The following DLG2 variants were observed in gnomAD, a reference collection of about 807,000 sequenced individuals.
The protein encoded by DLG2 is disks large homolog 2.
A neutral mutation model predicts 132.5 loss-of-function variants in DLG2; 45 were observed. That is an observed-to-expected ratio of 0.34 (90% confidence interval 0.27 to 0.44). DLG2 has a LOEUF of 0.44. Ranked by LOEUF, DLG2 falls within the 20% of genes least tolerant of loss-of-function variation. The pLI is 1.00. For missense variants in DLG2, 1,045 were observed against 1,196.9 expected (o/e 0.87, Z 1.87); for synonymous variants, 424 against 419.6 (o/e 1.01, Z -0.13).
chr11:83,978,090 A>G (rs551578607), intron 12 of DLG2, among the ~76,000 whole-genome samples: 1 of 152,172 alleles, frequency 6.6e-6, no homozygotes, highest in Non-Finnish European at 1.5e-5. Context: ...TGATCATTAT[A>G]TCTACGATGA....
At chr11:84,147,968 T>C (rs1260195818) in intron 9 of DLG2, among the ~76,000 whole-genome samples, 1 of 151,606 alleles carries the variant, frequency 6.6e-6, no homozygotes, top group Non-Finnish European at 1.5e-5. Context: ...TTTATTTTTA[T>C]TTTTTTTACC....
chr11:85,513,705 A>G (rs2094121735), intron 3 of DLG2, among the ~76,000 whole-genome samples: 1 of 151,886 alleles, frequency 6.6e-6, no homozygotes. Context: ...GGCTCATACC[A>G]TTTACTTCTC....
intron 3 of DLG2, among the ~76,000 whole-genome samples, chr11:85,549,544 G>A (rs1379654983): frequency 1.3e-5 from 2 of 152,116 alleles, no homozygotes; most frequent in African/African-American, 2.4e-5. Flanking sequence ...ATATAAAAAC[G>A]TCAGAGGCAT....
intron 4 of DLG2, among the ~76,000 whole-genome samples, chr11:85,204,091 G>A (rs1383826206): frequency 1.3e-5 from 2 of 152,014 alleles, no homozygotes; most frequent in Non-Finnish European, 2.9e-5. Context: ...TACTGAATGG[G>A]GAAAAATTGA....
At chr11:84,521,260 C>A (rs192963842) in intron 7 of DLG2, among the ~76,000 whole-genome samples, 1 of 152,264 alleles carries the variant, frequency 6.6e-6, no homozygotes, top group East Asian at 1.9e-4. Context: ...TCAGTGATAA[C>A]AATTTTCAAT....
At chr11:85,280,187 TGA>T (rs906327847) in intron 4 of DLG2, among the ~76,000 whole-genome samples, 3 of 151,960 alleles carry the variant, frequency 2.0e-5, no homozygotes, top group East Asian at 1.9e-4. Flanking sequence ...AGATAGTGAG[TGA>T]GACTCAGAGA....
At chr11:84,031,617 A>C (rs34732114) in intron 11 of DLG2, among the ~76,000 whole-genome samples, 3,405 of 152,306 alleles carry the variant, frequency 0.022, 69 homozygotes, top group Middle Eastern at 0.034. Flanking sequence ...CAGCATTGAA[A>C]GTTAACGAAT....
At chr11:85,333,498 C>T (rs1383108230) in intron 3 of DLG2, among the ~76,000 whole-genome samples, 2 of 152,030 alleles carry the variant, frequency 1.3e-5, no homozygotes, top group East Asian at 1.9e-4. Context: ...AGTGGTGATC[C>T]TTGTCTTGTT....
chr11:83,717,604 C>CTAT (rs1396183417), intron 18 of DLG2, among the ~76,000 whole-genome samples: 9 of 152,218 alleles, frequency 5.9e-5, no homozygotes, highest in Non-Finnish European at 1.0e-4. Flanking sequence ...CTATAGCTGT[C>CTAT]ACGACAGTTG....
At chr11:85,541,645 G>A (rs1261720401) in intron 3 of DLG2, among the ~76,000 whole-genome samples, 2 of 151,932 alleles carry the variant, frequency 1.3e-5, no homozygotes, top group Non-Finnish European at 2.9e-5. Flanking sequence ...AATTCATAGA[G>A]TGAGTGCAAA....
chr11:83,841,273 C>T (rs553618363), intron 16 of DLG2, among the ~76,000 whole-genome samples: 1 of 152,322 alleles, frequency 6.6e-6, no homozygotes, highest in Non-Finnish European at 1.5e-5. Context: ...ACTTTTTATA[C>T]TAGAATGATT....
chr11:84,666,928 A>G (rs1419178634), intron 6 of DLG2, among the ~76,000 whole-genome samples: 1 of 152,150 alleles, frequency 6.6e-6, no homozygotes, highest in Non-Finnish European at 1.5e-5. Context: ...GCACTACTGA[A>G]TATCAGCTTC....
chr11:85,240,716 A>AT (rs552920376), intron 4 of DLG2, among the ~76,000 whole-genome samples: 242 of 151,934 alleles, frequency 1.6e-3, no homozygotes, highest in African/African-American at 5.6e-3. Context: ...TTTCACACAC[A>AT]TAAGTTTGTT....
chr11:84,872,442 A>T (rs1413681405), intron 6 of DLG2, among the ~76,000 whole-genome samples: 2 of 152,210 alleles, frequency 1.3e-5, no homozygotes, highest in South Asian at 2.1e-4. Context: ...CTTGCCCTTG[A>T]GGATCTTAAG....
chr11:84,279,838 T>C (rs1211982745), intron 7 of DLG2, among the ~76,000 whole-genome samples: 1 of 152,118 alleles, frequency 6.6e-6, no homozygotes, highest in Non-Finnish European at 1.5e-5. Context: ...AGGGATAGAA[T>C]TAGGAGCATT....
intron 6 of DLG2, among the ~76,000 whole-genome samples, chr11:84,860,063 T>C (rs1287890056): frequency 6.6e-6 from 1 of 152,132 alleles, no homozygotes; most frequent in Non-Finnish European, 1.5e-5. Flanking sequence ...TATATTAATC[T>C]TGGCATCCCC....
intron 6 of DLG2, among the ~76,000 whole-genome samples, chr11:84,813,171 TACATACACACACACACAC>T (rs2076748896): frequency 1.3e-5 from 2 of 150,602 alleles, no homozygotes; most frequent in Non-Finnish European, 3.0e-5. Flanking sequence ...CAAAATTAAA[TACATACACACACACACAC>T]ACATACACAC....
chr11:84,037,353 A>C (rs1469849992), intron 11 of DLG2, among the ~76,000 whole-genome samples: 2 of 152,164 alleles, frequency 1.3e-5, no homozygotes, highest in African/African-American at 4.8e-5. Context: ...GAAAGAATAG[A>C]GTATCAAAGA....
chr11:84,673,637 A>C (rs2153696194), intron 6 of DLG2, among the ~76,000 whole-genome samples: 1 of 151,694 alleles, frequency 6.6e-6, no homozygotes, highest in South Asian at 2.1e-4. Context: ...ATAAATAAAT[A>C]AATCACTAAT....
Sources: gnomAD v4.1 joint callset for allele counts (sites outside exome capture counted in the v4.1 genomes callset) on GRCh38, gnomAD v4.1.1 for gene constraint, MANE v1.5 for transcripts, NCBI Gene and HGNC (gene_info 2026-07-23, HGNC 2026-07-21) for gene names.